PCDHGB2: variants seen among roughly 807,000 people sequenced by gnomAD.
The protein encoded by PCDHGB2 is protocadherin gamma-B2.
In PCDHGB2, 55 loss-of-function variants were observed where a neutral mutation model predicts 59.3. The observed-to-expected ratio is 0.93, with a 90% CI of 0.75 to 1.16. PCDHGB2 has a LOEUF of 1.16. Among genes scored for constraint, PCDHGB2 ranks in the 50% most tolerant of loss-of-function variants. The pLI, the probability that PCDHGB2 is intolerant of heterozygous loss-of-function variation, is 0.00. For missense variants in PCDHGB2, 1,228 were observed against 1,198.5 expected (o/e 1.02, Z -0.36); for synonymous variants, 516 against 512.0 (o/e 1.01, Z -0.11).
At chr5:141,426,492 T>A (rs1439487321) in intron 1 of PCDHGB2, 11 of 336,712 alleles carry the variant, frequency 3.3e-5, no homozygotes, top group South Asian at 2.6e-4. Flanking sequence ...TTAGAGTTAG[T>A]GCAGAGAAAC....
rs2099746956 is a variant in PCDHGB2 at position 141,493,207 on chromosome 5, A to C, written c.2422-1600A>C. Among the ~76,000 whole-genome samples, 1 of 152,152 alleles carries C rather than the reference A, an allele frequency of 6.6e-6. No individual in the cohort carries two copies. The highest frequency in any genetic ancestry group is 2.4e-5 in the African/African-American group (1 of 41,442). On this transcript the variant is annotated intron_variant, in intron 1 of 3. Coordinates refer to ENST00000522605, the MANE Select transcript of PCDHGB2 (RefSeq NM_018923.3). The surrounding 1 kb of genome is among the most constrained non-coding windows in gnomAD (Gnocchi z 4.3). ...ATAACTCCTTTGAGAACCTCATCTC[A>C]TTTGCTCTTCCCACCATTGCTGTTG...
At chr5:141,370,549 A>C in intron 1 of PCDHGB2, 1 of 1,613,956 alleles carries the variant, frequency 6.2e-7, no homozygotes, top group Non-Finnish European at 8.5e-7. Flanking sequence ...AACCTCGCCA[A>C]GGACCTGGGG....
intron 1 of PCDHGB2, chr5:141,410,799 C>T: frequency 2.9e-5 from 16 of 560,592 alleles, no homozygotes; most frequent in South Asian, 8.0e-5. Context: ...ATAAGTTGCT[C>T]TATCTTTTTG....
rs749759763 is a variant in PCDHGB2 at position 141,384,376 on chromosome 5, G to A, written c.2421+21820G>A. On this transcript the variant is annotated intron_variant, in intron 1 of 3. Coordinates refer to ENST00000522605, the MANE Select transcript of PCDHGB2 (RefSeq NM_018923.3). ...TGCCCAGATCACTTATTCCTTGGCCGAAGACACCATCCAGGGGGCTCCAGT... is the reference window on the plus strand; with the variant it reads ...TGCCCAGATCACTTATTCCTTGGCCAAAGACACCATCCAGGGGGCTCCAGT... 10 of 1,613,786 alleles carry A rather than the reference G, an allele frequency of 6.2e-6. No individual in the cohort carries two copies. In the African/African-American group the frequency reaches 8.0e-5, roughly 13 times the overall value.
intron 1 of PCDHGB2, chr5:141,379,021 G>A (rs1199097625): frequency 6.6e-6 from 1 of 152,192 alleles, no homozygotes; most frequent in Admixed American, 6.5e-5. Context: ...TCATGAGTTG[G>A]AAGATTCTAC....
chr5:141,387,670 C>T, intron 1 of PCDHGB2: 1 of 694,130 alleles, frequency 1.4e-6, no homozygotes, highest in Non-Finnish European at 2.3e-6. Flanking sequence ...CGCTCCAGAT[C>T]TCCTCGCGCA....
At chr5:141,419,405 G>T (rs1219399978) in intron 1 of PCDHGB2, 1 of 1,613,512 alleles carries the variant, frequency 6.2e-7, no homozygotes, top group South Asian at 1.1e-5. Context: ...GGTGGTGTTC[G>T]CGCAGCGCGC....
intron 1 of PCDHGB2, chr5:141,396,148 A>G (rs1589277067): frequency 6.6e-6 from 1 of 152,328 alleles, no homozygotes; most frequent in South Asian, 2.1e-4. Context: ...AAGCTGATCA[A>G]TTCAATTAAA....
intron 2 of PCDHGB2, among the ~76,000 whole-genome samples, chr5:141,501,290 T>TACACACACACACAC (rs55762287): frequency 7.3e-6 from 1 of 136,164 alleles, no homozygotes; most frequent in Non-Finnish European, 1.6e-5. Context: ...TATTCCCTTA[T>TACACACACACACAC]ACACACACAC....
rs1457099502 is a variant in PCDHGB2 at position 141,477,430 on chromosome 5, A to G, written c.2422-17377A>G. The G allele has an allele frequency of 1.2e-6, 2 of 1,614,162 alleles. No individual in the cohort carries two copies. The highest frequency in any genetic ancestry group is 1.7e-6 in the Non-Finnish European group (2 of 1,180,020). Reference sequence around the variant, plus strand: ...GAGACGCCGGAACCCCTTCCCTCTCAGCCCTTACAATAGTGCGTGTTCAAG... The same window carrying G: ...GAGACGCCGGAACCCCTTCCCTCTCGGCCCTTACAATAGTGCGTGTTCAAG... On this transcript the variant is annotated intron_variant, in intron 1 of 3. Transcript: ENST00000522605. This position sits in a 1 kb window ranked among gnomAD's most constrained non-coding sequence, Gnocchi z 4.9.
intron 1 of PCDHGB2, chr5:141,365,446 T>C: frequency 6.2e-7 from 1 of 1,614,030 alleles, no homozygotes; most frequent in Non-Finnish European, 8.5e-7. Flanking sequence ...TTAGCGTACA[T>C]GATGGTGATT....
At chr5:141,421,797 C>T in intron 1 of PCDHGB2, 1 of 1,613,744 alleles carries the variant, frequency 6.2e-7, no homozygotes, top group Non-Finnish European at 8.5e-7. Context: ...CGGATGGGGC[C>T]AAGAATCCAG....
intron 1 of PCDHGB2, chr5:141,418,770 A>G: frequency 6.2e-7 from 1 of 1,613,892 alleles, no homozygotes; most frequent in Non-Finnish European, 8.5e-7. Context: ...ATTCTAACTC[A>G]GCAGCCTTTG....
chr5:141,427,704 G>C (rs2097059746), intron 1 of PCDHGB2: 2 of 966,116 alleles, frequency 2.1e-6, no homozygotes, highest in Non-Finnish European at 3.2e-6. Context: ...ACAAGTCAGC[G>C]CCTCTGACCT....
At chr5:141,419,620 G>A (rs776986192) in intron 1 of PCDHGB2, 9 of 1,612,304 alleles carry the variant, frequency 5.6e-6, no homozygotes, top group Non-Finnish European at 7.6e-6. Context: ...CAGGCTACCT[G>A]GTGACCAAGG....
In PCDHGB2 at chr5:141,489,184, G is replaced by T; in HGVS notation, c.2422-5623G>T. ...TCAGCTGCTGCATTCCAAGCCCTGG[G>T]TCTACCTTGGAGACAGGACAGCACA... On this transcript the variant is annotated intron_variant, in intron 1 of 3. Transcript: ENST00000522605. This position sits in a 1 kb window ranked among gnomAD's most constrained non-coding sequence, Gnocchi z 4.5. 7.8e-7 allele frequency: 1 copy of T among 1,287,330 alleles called. No homozygotes were observed. Among genetic ancestry groups the T allele is most frequent in the Non-Finnish European group, 1.1e-6 (1 of 928,816 alleles). 79.7% of individuals were successfully genotyped at this position (1,287,330 alleles called of 1,614,324 possible).
intron 1 of PCDHGB2, chr5:141,409,830 G>C: frequency 6.2e-7 from 1 of 1,611,250 alleles, no homozygotes; most frequent in Non-Finnish European, 8.5e-7. Context: ...CCCACGCTCA[G>C]CGCCAACGTG....
chr5:141,402,825 A>G, intron 1 of PCDHGB2: 1 of 1,320,620 alleles, frequency 7.6e-7, no homozygotes, highest in Non-Finnish European at 1.0e-6. Flanking sequence ...ACCTGCTCCC[A>G]GGCTGCAGCA....
At chr5:141,379,309 C>T (rs1297432422) in intron 1 of PCDHGB2, 3 of 152,102 alleles carry the variant, frequency 2.0e-5, no homozygotes, top group Admixed American at 1.3e-4. Context: ...TATACCTAAA[C>T]AAGAGATCTA....
Sources: gnomAD v4.1 joint callset for allele counts (sites outside exome capture counted in the v4.1 genomes callset) on GRCh38, gnomAD v4.1.1 for gene constraint, Gnocchi (gnomAD v3.1) non-coding constraint, MANE v1.5 for transcripts, NCBI Gene and HGNC (gene_info 2026-07-23, HGNC 2026-07-21) for gene names.